Variants in TMF1 observed in about 807,000 individuals in gnomAD.
TMF1 encodes TATA element modulatory factor.
TMF1 carries 71 observed loss-of-function variants against 126.5 expected under a neutral mutation model. The ratio of observed to expected loss-of-function variants is 0.56; its 90% CI spans 0.46 to 0.68. The LOEUF is 0.68. Ranked by LOEUF, TMF1 falls within the 30% of genes least tolerant of loss-of-function variation. The pLI, the probability that TMF1 is intolerant of heterozygous loss-of-function variation, is 0.00. For missense variants in TMF1, 1,259 were observed against 1,253.2 expected (o/e 1.00, Z -0.07); for synonymous variants, 461 against 430.5 (o/e 1.07, Z -0.88).
At chr3:69,038,497 T>A in intron 8 of TMF1, 67 bp downstream of exon 8, 2 of 1,523,622 alleles carry the variant, frequency 1.3e-6, no homozygotes, top group Admixed American at 1.9e-5. Flanking sequence ...AACCAGCTAA[T>A]TGTTTAATTT....
At chr3:69,035,275 A>G (rs2107461388) in intron 8 of TMF1, 160 bp from the exon 9 acceptor site, 1 of 607,202 alleles carries the variant, frequency 1.6e-6, no homozygotes, top group Non-Finnish European at 2.9e-6. Context: ...TCATTCATCA[A>G]GCAATTCTAA....
intron 8 of TMF1, chr3:69,035,436 T>A (rs2091826665): frequency 3.4e-6 from 1 of 296,912 alleles, no homozygotes; most frequent in Non-Finnish European, 6.4e-6. Flanking sequence ...CAGAAAGTGA[T>A]AGGTGCTATA....
At chr3:69,039,832 T>C in intron 5 of TMF1, 139 bp from the exon 6 acceptor site, 1 of 901,314 alleles carries the variant, frequency 1.1e-6, no homozygotes, top group Non-Finnish European at 1.6e-6. Flanking sequence ...TACAACTAAT[T>C]TGGACAGCAA....
At chr3:69,023,550 C>T (rs1187655790) in intron 16 of TMF1, among the ~76,000 whole-genome samples, 1 of 152,074 alleles carries the variant, frequency 6.6e-6, no homozygotes, top group African/African-American at 2.4e-5. Context: ...TATCTCTCCA[C>T]TAAATCTACA....
chr3:69,049,270 A>T (rs1174515640), intron 1 of TMF1, among the ~76,000 whole-genome samples: 1 of 152,206 alleles, frequency 6.6e-6, no homozygotes, highest in Non-Finnish European at 1.5e-5. Context: ...GCTACTCAGG[A>T]GGCTGAGGTG....
intron 8 of TMF1, 101 bp downstream of exon 8, chr3:69,038,461 CAT>C: frequency 2.4e-6 from 3 of 1,271,840 alleles, no homozygotes; most frequent in Non-Finnish European, 3.3e-6. Flanking sequence ...AAATCTAACA[CAT>C]GTATCACTAC....
At chr3:69,024,027 G>A (rs1241199478) in intron 16 of TMF1, 28 bp downstream of exon 16, 5 of 1,579,024 alleles carry the variant, frequency 3.2e-6, no homozygotes, top group Non-Finnish European at 4.3e-6. Flanking sequence ...AAATATCTTA[G>A]ACTCATCCTT....
Position 69,048,263 on chromosome 3 carries a change from T to C in TMF1, c.442A>G (p.Thr148Ala). 2 of 1,614,178 alleles carry C rather than the reference T, an allele frequency of 1.2e-6. No individual in the cohort carries two copies. The highest frequency in any genetic ancestry group is 1.7e-6 in the Non-Finnish European group (2 of 1,180,024). ...HIGQSRTPET[T>A]ESQVKDSSLC... The stretch of plus-strand genomic sequence containing the variant: ...GAAGAGTCTTTTACTTGTGATTCAG[T>C]TGTTTCAGGAGTTCTTGACTGGCCA... The change falls in exon 2 of 17, where the codon ACT (threonine) becomes GCT (alanine). Residue 148 changes from threonine to alanine, a missense_variant. Transcript: ENST00000398559.
intron 4 of TMF1, 131 bp from the exon 5 acceptor site, chr3:69,043,043 T>A (rs1457727900): frequency 3.1e-6 from 2 of 642,758 alleles, no homozygotes; most frequent in Admixed American, 6.0e-5. Flanking sequence ...TTTGTTCAGT[T>A]AATCTACTAC....
At chr3:69,048,760 G>T (rs866675125) in intron 1 of TMF1, 198 bp from the exon 2 acceptor site, 15 of 482,938 alleles carry the variant, frequency 3.1e-5, no homozygotes, top group African/African-American at 2.2e-4. Context: ...GAAGAAAACT[G>T]GTGTGGGTCC....
rs1178751661 is a variant in TMF1, at chr3:69,019,854, A to C, written c.*3323T>G. The C allele has an allele frequency of 1.3e-5, 2 of 152,172 alleles. No homozygotes were observed. The highest frequency in any genetic ancestry group is 2.9e-5 in the Non-Finnish European group (2 of 68,000). The allele number at this position is 152,172 out of a possible 1,614,324, so 9.4% of individuals were successfully genotyped here. A position where few individuals can be genotyped will look rare whatever the true frequency, so the allele number is the denominator to read the frequency against. On this transcript the variant is annotated 3_prime_UTR_variant, in exon 17 of 17. Coordinates refer to ENST00000398559, the MANE Select transcript of TMF1 (RefSeq NM_007114.3). ...ACTATTTTAAAATCTTTATTCAATCAGATCCATGCTTATTTACATTACCTT... is the reference window on the plus strand; with the variant it reads ...ACTATTTTAAAATCTTTATTCAATCCGATCCATGCTTATTTACATTACCTT...
chr3:69,039,171 T>G (rs995830406), intron 6 of TMF1, among the ~76,000 whole-genome samples, 162 bp from the exon 7 acceptor site: 2 of 152,208 alleles, frequency 1.3e-5, no homozygotes, highest in Non-Finnish European at 2.9e-5. Flanking sequence ...CTGCAACCTC[T>G]GCCTCCCAGC....
rs1575804645 is a variant in TMF1, at chr3:69,020,739, T to C, written c.*2438A>G. ...TTTAACAATCAAAATATGATCAGTT[T>C]GAGTATCAGCTATTTATTTGTAGAT... On this transcript the variant is annotated 3_prime_UTR_variant, in exon 17 of 17. Transcript: ENST00000398559. The C allele has an allele frequency of 5.3e-5, 8 of 152,268 alleles. 1 individual carries two copies. The highest frequency in any genetic ancestry group is 5.2e-4 in the Admixed American group (8 of 15,298). The allele number at this position is 152,268 out of a possible 1,614,324, so 9.4% of individuals were successfully genotyped here. A position where few individuals can be genotyped will look rare whatever the true frequency, so the allele number is the denominator to read the frequency against.
At chr3:69,026,472 T>C (rs968279189) in intron 13 of TMF1, among the ~76,000 whole-genome samples, 1 of 152,210 alleles carries the variant, frequency 6.6e-6, no homozygotes, top group African/African-American at 2.4e-5. Context: ...GGCGCATGCC[T>C]GTAATCCCAG....
intron 10 of TMF1, 164 bp from the exon 11 acceptor site, chr3:69,030,171 T>G (rs2091791539): frequency 1.9e-6 from 1 of 521,666 alleles, no homozygotes; most frequent in Admixed American, 3.7e-5. Context: ...AATGAACCAA[T>G]CTTAACTTAT....
chr3:69,038,768 T>A, intron 7 of TMF1, 48 bp from the exon 8 acceptor site: 1 of 1,588,758 alleles, frequency 6.3e-7, no homozygotes, highest in Non-Finnish European at 8.6e-7. Context: ...GATCAGATAA[T>A]AGAAAAAGTA....
At chr3:69,046,129 A>G (rs2091894566) in intron 2 of TMF1, among the ~76,000 whole-genome samples, 1 of 152,148 alleles carries the variant, frequency 6.6e-6, no homozygotes, top group African/African-American at 2.4e-5. Context: ...ACATCCATCC[A>G]CACTAAAAGT....
Position 69,030,022 on chromosome 3 carries a change from G to GA in TMF1, c.2402-16dup, listed in dbSNP as rs556325562. 1,327 of 1,565,440 alleles carry GA rather than the reference G, an allele frequency of 8.5e-4. 1 individual carries two copies. The African/African-American group carries it at 9.7e-3, about 11-fold the overall frequency. On this transcript the variant is annotated splice_polypyrimidine_tract_variant and intron_variant, in intron 10 of 16. Transcript: ENST00000398559. ...CTGGGATTCACCTGATTACAGGACA[G>GA]AAAAAAAAATCACATACACATACAG...
chr3:69,034,216 T>C (rs2091820323), intron 9 of TMF1, among the ~76,000 whole-genome samples: 1 of 152,180 alleles, frequency 6.6e-6, no homozygotes, highest in South Asian at 2.1e-4. Context: ...CTCATGTGTG[T>C]AATCCCAGCA....
Sources: gnomAD v4.1 joint callset for allele counts (sites outside exome capture counted in the v4.1 genomes callset) on GRCh38, gnomAD v4.1.1 for gene constraint, MANE v1.5 for transcripts, NCBI Gene and HGNC (gene_info 2026-07-23, HGNC 2026-07-21) for gene names.